Variants in AK7 observed in about 807,000 individuals in gnomAD.
The protein encoded by AK7 is adenylate kinase 7, also known as ATP-AMP transphosphorylase 7.
AK7 carries 78 observed loss-of-function variants against 96.6 expected under a neutral mutation model. The observed-to-expected ratio is 0.81, with a 90% CI of 0.67 to 0.97. AK7 has a LOEUF of 0.97. Ranked by LOEUF, AK7 falls within the 50% of genes least tolerant of loss-of-function variation. The pLI is 0.00. For missense variants in AK7, 855 were observed against 887.9 expected, an observed-to-expected ratio of 0.96 and a Z score of 0.47; for synonymous variants, 302 against 317.2, an observed-to-expected ratio of 0.95 and a Z score of 0.51.
intron 1 of AK7, among the ~76,000 whole-genome samples, chr14:96,397,874 C>G (rs1890166532): frequency 1.3e-5 from 2 of 152,212 alleles, no homozygotes; most frequent in African/African-American, 4.8e-5. Flanking sequence ...AGTTCCTCAT[C>G]TGTAAAATGG....
chr14:96,488,093 AG>A, intron 17 of AK7: 1 of 428,966 alleles, frequency 2.3e-6, no homozygotes, highest in Non-Finnish European at 4.4e-6. Context: ...TTTGTATTTT[AG>A]TAGAGAGGAA....
In AK7 at chr14:96,442,770, G is replaced by A. The variant is rs1482474081; in HGVS notation, c.731G>A (p.Gly244Asp). 1 of 1,614,162 alleles carries A rather than the reference G, an allele frequency of 6.2e-7. No homozygotes were observed. Among genetic ancestry groups the A allele is most frequent in the Admixed American group, 1.7e-5 (1 of 60,006 alleles). Reference protein sequence around the residue: ...LGEIPALPVFGDGTNVIPTIH... With the variant: ...LGEIPALPVFDDGTNVIPTIH... ...GAGATTCCTGCATTACCAGTTTTTG[G>A]CGATGGAACAAATGTAATTCCAACA... Residue 244 changes from glycine (G) to aspartate (D), a missense_variant, in exon 7 of 18, where the codon GGC becomes GAC. By Grantham distance (94) the Gly-to-Asp change is moderately conservative. Coordinates refer to ENST00000267584, the MANE Select transcript of AK7 (RefSeq NM_152327.5).
chr14:96,400,430 A>G (rs1890344219), intron 2 of AK7, among the ~76,000 whole-genome samples: 1 of 152,208 alleles, frequency 6.6e-6, no homozygotes, highest in African/African-American at 2.4e-5. Context: ...ACCGCATGTA[A>G]TAGAAAACAG....
intron 16 of AK7, 35 bp from the exon 17 acceptor site, chr14:96,486,863 A>C: frequency 6.3e-7 from 1 of 1,598,312 alleles, no homozygotes; most frequent in Non-Finnish European, 8.6e-7. Flanking sequence ...CTTTCTCACT[A>C]CACATTTACT....
At chr14:96,408,363 TG>T (rs2036722008) in intron 3 of AK7, among the ~76,000 whole-genome samples, 2 of 152,342 alleles carry the variant, frequency 1.3e-5, no homozygotes, top group South Asian at 4.1e-4. Context: ...TCTATGATCC[TG>T]GGCAAACTGT....
chr14:96,410,145 G>A (rs187236358), intron 4 of AK7, among the ~76,000 whole-genome samples: 1 of 152,106 alleles, frequency 6.6e-6, no homozygotes, highest in African/African-American at 2.4e-5. Flanking sequence ...TTGTTTAATT[G>A]TCTCTCCCCT....
At chr14:96,464,394 A>C (rs1894439522) in intron 12 of AK7, among the ~76,000 whole-genome samples, 1 of 151,318 alleles carries the variant, frequency 6.6e-6, no homozygotes, top group Non-Finnish European at 1.5e-5. Context: ...CAAAAAATAC[A>C]AAAAAAATAG....
At chr14:96,398,000 T>C in intron 1 of AK7, 75 bp from the exon 2 acceptor site, 1 of 1,480,766 alleles carries the variant, frequency 6.8e-7, no homozygotes, top group Non-Finnish European at 9.2e-7. Context: ...AAAGGTAAGT[T>C]TCTAGAATCA....
chr14:96,397,748 T>C (rs1264799309), intron 1 of AK7, among the ~76,000 whole-genome samples: 1 of 152,240 alleles, frequency 6.6e-6, no homozygotes, highest in Non-Finnish European at 1.5e-5. Flanking sequence ...ATGTGGCTCC[T>C]ATTACATTTC....
chr14:96,404,684 T>C, intron 2 of AK7, 73 bp from the exon 3 acceptor site: 2 of 1,033,644 alleles, frequency 1.9e-6, no homozygotes, highest in Non-Finnish European at 3.0e-6. Flanking sequence ...TTTTGAAAAT[T>C]ATCATTTCAT....
chr14:96,477,475 A>G (rs916501380), intron 14 of AK7, among the ~76,000 whole-genome samples: 2 of 152,264 alleles, frequency 1.3e-5, no homozygotes, highest in African/African-American at 4.8e-5. Flanking sequence ...GCACCCAGAC[A>G]CTGATCTGGG....
intron 5 of AK7, among the ~76,000 whole-genome samples, chr14:96,427,261 A>G (rs1892079272): frequency 6.6e-6 from 1 of 152,224 alleles, no homozygotes; most frequent in African/African-American, 2.4e-5. Flanking sequence ...CAAACAAAAA[A>G]AAATTGGTTT....
rs149679209 is a variant in AK7 at position 96,456,333 on chromosome 14, C to G, written c.1099-14C>G. ...CAGAGCTTGCTGTATGTTCCTTACT[C>G]TCTCCTCTTTCAGCCAATCAAGATC... On this transcript the variant is annotated splice_polypyrimidine_tract_variant and intron_variant, in intron 10 of 17. Coordinates refer to ENST00000267584, the MANE Select transcript of AK7 (RefSeq NM_152327.5). 1.3e-5 allele frequency: 21 copies of G among 1,587,434 alleles called. No individual in the cohort carries two copies. The East Asian group carries it at 3.5e-4, about 26-fold the overall frequency.
chr14:96,403,480 T>C (rs1188807642), intron 2 of AK7, among the ~76,000 whole-genome samples: 2 of 152,150 alleles, frequency 1.3e-5, no homozygotes, highest in African/African-American at 4.8e-5. Flanking sequence ...CCTAGAAAAC[T>C]AATGCAGATT....
intron 6 of AK7, among the ~76,000 whole-genome samples, chr14:96,441,642 CAA>C (rs34473287): frequency 2.2e-5 from 2 of 91,502 alleles, no homozygotes; most frequent in Non-Finnish European, 4.0e-5. Flanking sequence ...GACTCCGTCT[CAA>C]AAAAAAAAAA....
intron 5 of AK7, chr14:96,421,424 T>C (rs148719480): frequency 6.6e-6 from 1 of 152,442 alleles, no homozygotes; most frequent in East Asian, 1.9e-4. Flanking sequence ...AAGGCTGTTA[T>C]CTACGCACAT....
chr14:96,421,042 G>A, intron 5 of AK7, 110 bp downstream of exon 5: 1 of 718,178 alleles, frequency 1.4e-6, no homozygotes, highest in South Asian at 1.8e-5. Flanking sequence ...CTCACCCCAG[G>A]ATACACTGTC....
At chr14:96,479,136 G>A (rs1367000222) in intron 15 of AK7, among the ~76,000 whole-genome samples, 1 of 151,738 alleles carries the variant, frequency 6.6e-6, no homozygotes, top group African/African-American at 2.4e-5. Flanking sequence ...GAGTGCAGTG[G>A]CACCATCTCG....
chr14:96,466,940 C>T (rs898767825), intron 12 of AK7, among the ~76,000 whole-genome samples: 14 of 151,386 alleles, frequency 9.2e-5, no homozygotes, highest in African/African-American at 2.7e-4. Context: ...CCTAAAGTCT[C>T]GGGCAGCAAT....
Sources: gnomAD v4.1 joint callset for allele counts (sites outside exome capture counted in the v4.1 genomes callset) on GRCh38, gnomAD v4.1.1 for gene constraint, MANE v1.5 for transcripts, NCBI Gene and HGNC (gene_info 2026-07-23, HGNC 2026-07-21) for gene names.